MYH11: variants seen among roughly 807,000 people sequenced by gnomAD.
MYH11 encodes the protein myosin heavy chain 11.
Under a neutral mutation model 246.6 loss-of-function variants are expected in MYH11, and 80 were observed. That is an observed-to-expected ratio of 0.32 (90% CI 0.27 to 0.39). The LOEUF (loss-of-function observed/expected upper bound fraction) is 0.39, where lower values mean the gene tolerates loss of function less well. Ranked by LOEUF, MYH11 falls within the 10% of genes least tolerant of loss-of-function variation. The probability of loss-of-function intolerance (pLI) is 1.00; values close to 1 mark genes in which losing one functional copy is unlikely to be tolerated. For missense variants in MYH11, 2,158 were observed against 2,546.8 expected, an observed-to-expected ratio of 0.85 and a Z score of 3.29; for synonymous variants, 1,071 against 1,015.5, an observed-to-expected ratio of 1.05 and a Z score of -1.04.
chr16:15,788,606 C>T (rs1041124732), intron 4 of MYH11, among the ~76,000 whole-genome samples: 1 of 152,170 alleles, frequency 6.6e-6, no homozygotes, highest in Non-Finnish European at 1.5e-5. Flanking sequence ...GTCCCACTGT[C>T]CAGAAATCAA....
chr16:15,778,907 G>T (rs373878401), intron 6 of MYH11, 64 bp from the exon 7 acceptor site: 5 of 1,497,698 alleles, frequency 3.3e-6, no homozygotes, highest in Non-Finnish European at 4.7e-6. Flanking sequence ...CCCATGCTGT[G>T]GGCAAGCAGG....
At chr16:15,814,135 TCCC>T in intron 3 of MYH11, among the ~76,000 whole-genome samples, 1 of 148,446 alleles carries the variant, frequency 6.7e-6, no homozygotes, top group African/African-American at 2.5e-5. Flanking sequence ...GGAAACTCCA[TCCC>T]CCAAAAAAAA....
intron 14 of MYH11, among the ~76,000 whole-genome samples, chr16:15,754,338 T>C (rs2041656766): frequency 6.6e-6 from 1 of 152,216 alleles, no homozygotes. Context: ...TATAGGCTTT[T>C]TACATTCCTG....
At chr16:15,789,278 CAGA>C (rs774680487) in intron 4 of MYH11, among the ~76,000 whole-genome samples, 3 of 152,096 alleles carry the variant, frequency 2.0e-5, no homozygotes, top group African/African-American at 4.8e-5. Flanking sequence ...TTTCTAAGGC[CAGA>C]AGAAGGGCAG....
chr16:15,839,156 G>A (rs1028819123), intron 1 of MYH11, among the ~76,000 whole-genome samples: 2 of 151,920 alleles, frequency 1.3e-5, no homozygotes, highest in African/African-American at 2.4e-5. Flanking sequence ...ATTGCAGTGA[G>A]CCAAGATCAA....
At chr16:15,728,443 C>T (rs999000171) in intron 27 of MYH11, among the ~76,000 whole-genome samples, 1 of 152,206 alleles carries the variant, frequency 6.6e-6, no homozygotes, top group Non-Finnish European at 1.5e-5. Flanking sequence ...CAATCTGCCA[C>T]ATCTAAGTAG....
intron 40 of MYH11, chr16:15,708,988 G>A: frequency 1.1e-6 from 1 of 891,540 alleles, no homozygotes; most frequent in Non-Finnish European, 1.8e-6. Context: ...TGTCACCCAG[G>A]CTGGAGTGCA....
intron 2 of MYH11, among the ~76,000 whole-genome samples, chr16:15,824,889 GT>G (rs2043519256): frequency 6.6e-6 from 1 of 152,154 alleles, no homozygotes; most frequent in South Asian, 2.1e-4. Flanking sequence ...CCCACCGCCT[GT>G]TTGACAGGAG....
At chr16:15,712,559 G>A (rs2039863664) in intron 40 of MYH11, among the ~76,000 whole-genome samples, 1 of 152,056 alleles carries the variant, frequency 6.6e-6, no homozygotes, top group Admixed American at 6.6e-5. Context: ...TAGTGCTACT[G>A]CACTCCAGCC....
At position 15,759,430 on chromosome 16, in the gene MYH11, T is replaced by A; in HGVS notation, c.1401+146A>T. The A allele has an allele frequency of 2.9e-6, 3 of 1,039,666 alleles. 1 individual carries two copies. The South Asian group carries it at 3.8e-5, about 13-fold the overall frequency. 64.4% of individuals were successfully genotyped at this position (1,039,666 alleles called of 1,614,324 possible). ...TTTCCTGTTGGATTTCTGTCTCTTA[T>A]ACCCTCAATGATCCACCCTTAACTA... On this transcript the variant is annotated intron_variant, in intron 12 of 40. Coordinates refer to ENST00000300036, the MANE Select transcript of MYH11 (RefSeq NM_002474.3).
intron 28 of MYH11, 181 bp downstream of exon 28, chr16:15,726,667 C>A (rs576796759): frequency 1.3e-6 from 1 of 756,860 alleles, no homozygotes; most frequent in Non-Finnish European, 2.2e-6. Flanking sequence ...CGTGCCTGGC[C>A]AGAAGGTTTT....
rs2039311878 is a variant in MYH11, at chr16:15,703,876, A to G, written c.*115T>C. ...TGGAATTTGAGAATGGATTTAGACA[A>G]TGCTAAGTACAGTCTGCTGGGTTTT... is the stretch of plus-strand genomic sequence containing the variant. On this transcript the variant is annotated 3_prime_UTR_variant, in exon 41 of 41. Coordinates refer to ENST00000300036, the MANE Select transcript of MYH11 (RefSeq NM_002474.3). The G allele has an allele frequency of 2.2e-6, 3 of 1,383,986 alleles. No individual in the cohort carries two copies. Among genetic ancestry groups the G allele is most frequent in the Non-Finnish European group, 3.1e-6 (3 of 976,868 alleles). 85.7% of individuals were successfully genotyped at this position (1,383,986 alleles called of 1,614,324 possible).
chr16:15,725,072 C>T (rs2040683658), intron 28 of MYH11, 80 bp from the exon 29 acceptor site: 1 of 1,151,296 alleles, frequency 8.7e-7, no homozygotes, highest in Non-Finnish European at 1.3e-6. Context: ...ACTCAAAACA[C>T]ATGGGCTAGT....
intron 14 of MYH11, among the ~76,000 whole-genome samples, chr16:15,754,051 C>CAA (rs10706166): frequency 0.25 from 32,586 of 132,486 alleles, 3,869 homozygotes; most frequent in East Asian, 0.38. Flanking sequence ...ACTAAAAATA[C>CAA]AAAAAAAAAA....
chr16:15,837,865 T>G, intron 2 of MYH11, 43 bp downstream of exon 2: 1 of 1,558,118 alleles, frequency 6.4e-7, no homozygotes, highest in Non-Finnish European at 8.9e-7. Flanking sequence ...CCTACTTTCC[T>G]TATGAGGCCA....
In MYH11 at chr16:15,705,984, C is replaced by CAAAAAAAAAAAAA. The variant is rs57451847; in HGVS notation, c.5787-1874_5787-1862dup. 3.7e-3 allele frequency among the ~76,000 whole-genome samples: 212 copies of CAAAAAAAAAAAAA among 56,738 alleles called. 47 individuals are homozygous for CAAAAAAAAAAAAA. The highest frequency in any genetic ancestry group is 0.017 in the African/African-American group (149 of 8,904). The allele number at this position is 56,738 out of a possible 152,430, so 37.2% of individuals were successfully genotyped here. On this transcript the variant is annotated intron_variant, in intron 40 of 40. Coordinates refer to ENST00000300036, the MANE Select transcript of MYH11 (RefSeq NM_002474.3). ...TAGGCGACAGGGTGAGACTCCGTCT[C>CAAAAAAAAAAAAA]AAAAAAAAAAAAAAAAAAAAATCAA...
At chr16:15,721,762 G>A in intron 31 of MYH11, 128 bp from the exon 32 acceptor site, 1 of 902,946 alleles carries the variant, frequency 1.1e-6, no homozygotes, top group Non-Finnish European at 1.8e-6. Flanking sequence ...GTGTAGGTTA[G>A]CTATGGGAGT....
intron 3 of MYH11, among the ~76,000 whole-genome samples, chr16:15,812,921 C>G (rs1315870458): frequency 6.6e-6 from 1 of 152,008 alleles, no homozygotes; most frequent in Admixed American, 6.6e-5. Flanking sequence ...AATCCCAGCA[C>G]TTTGGAAGGC....
chr16:15,757,908 C>G lies in MYH11; in HGVS notation c.1494G>C (p.Glu498Asp). The G allele has an allele frequency of 6.2e-7, 1 of 1,614,222 alleles. No homozygotes were observed. Among genetic ancestry groups the G allele is most frequent in the Non-Finnish European group, 8.5e-7 (1 of 1,180,038 alleles). The change falls in exon 13 of 41, where the codon GAG becomes GAC. Residue 498 changes from glutamate (E) to aspartate (D), a missense_variant. Around this residue, in one of 11 missense-constraint regions of MYH11, gnomAD observed 317 missense variants for 507.7 expected, o/e 0.62. Transcript: ENST00000300036. Reference protein sequence around the residue: ...NHTMFILEQEEYQREGIEWNF... With the variant: ...NHTMFILEQEDYQREGIEWNF... ...TCCACTCGATGCCCTCGCGCTGGTACTCCTCCTGCTCCAGGATGAACATGG... is the reference window on the plus strand; with the variant it reads ...TCCACTCGATGCCCTCGCGCTGGTAGTCCTCCTGCTCCAGGATGAACATGG...
Sources: gnomAD v4.1 joint callset for allele counts (sites outside exome capture counted in the v4.1 genomes callset) on GRCh38, gnomAD v4.1.1 for gene constraint, gnomAD v4.1.1 regional missense constraint, MANE v1.5 for transcripts, NCBI Gene and HGNC (gene_info 2026-07-23, HGNC 2026-07-21) for gene names.